Variants in RBFOX1 observed in about 807,000 individuals in gnomAD.
RBFOX1 encodes the protein RNA binding fox-1 homolog 1.
In RBFOX1, 8 loss-of-function variants were observed where a neutral mutation model predicts 57.7. The observed-to-expected ratio is 0.14, with a 90% confidence interval of 0.08 to 0.25. The LOEUF is 0.25. RBFOX1 is among the 10% of genes least tolerant of loss of function. RBFOX1 has a pLI of 1.00. For synonymous variants in RBFOX1, 326 were observed against 222.4 expected (o/e 1.47, Z -4.15); for missense variants, 611 against 548.5 (o/e 1.11, Z -1.14).
intron 2 of RBFOX1, among the ~76,000 whole-genome samples, chr16:6,355,901 A>G (rs1476446480): frequency 6.6e-6 from 1 of 152,224 alleles, no homozygotes; most frequent in East Asian, 1.9e-4. Flanking sequence ...CCAAAAACTA[A>G]TGGAGTTTTC....
At chr16:6,782,131 C>G (rs142800342) in intron 3 of RBFOX1, among the ~76,000 whole-genome samples, 1 of 152,082 alleles carries the variant, frequency 6.6e-6, no homozygotes, top group Non-Finnish European at 1.5e-5. Flanking sequence ...CTCAGCCTCC[C>G]GAGTAGCTGG....
chr16:7,352,673 G>A (rs2097149403), intron 4 of RBFOX1, among the ~76,000 whole-genome samples: 1 of 152,106 alleles, frequency 6.6e-6, no homozygotes, highest in African/African-American at 2.4e-5. Context: ...ATGCACTCTT[G>A]TCCTGGATCT....
intron 2 of RBFOX1, among the ~76,000 whole-genome samples, chr16:6,510,132 G>T (rs1352994891): frequency 6.6e-6 from 1 of 152,090 alleles, no homozygotes; most frequent in African/African-American, 2.4e-5. Flanking sequence ...CTCTTTGATG[G>T]GAGTCAGTAG....
In RBFOX1 at chr16:6,845,853, C is replaced by T. The variant is rs1050921848; in HGVS notation, c.-16+191203C>T. 2.0e-5 allele frequency among the ~76,000 whole-genome samples: 3 copies of T among 152,122 alleles called. 1 individual carries two copies. Among genetic ancestry groups the T allele is most frequent in the African/African-American group, 4.8e-5 (2 of 41,426 alleles). On this transcript the variant is annotated intron_variant, in intron 3 of 15. Coordinates refer to ENST00000550418, the MANE Select transcript of RBFOX1 (RefSeq NM_018723.4). ...TACCCCTCTTGGGATAATCTCAGTC[C>T]CACTTGTGTATGGCTATTCCTTCTG...
rs559657636 is a variant in RBFOX1, at chr16:5,831,336, T to C, written c.319-35967T>C. Among the ~76,000 whole-genome samples, 7 of 152,236 alleles carry C rather than the reference T, an allele frequency of 4.6e-5. No individual in the cohort carries two copies. In the South Asian group the frequency reaches 1.2e-3, roughly 27 times the overall value. Reference sequence around the variant, plus strand: ...TTCCCTGCCATTCTCTCTATCTTGCTCCTGCTCTGGCCATGGGACCTGCCT... The same window carrying C: ...TTCCCTGCCATTCTCTCTATCTTGCCCCTGCTCTGGCCATGGGACCTGCCT... On this transcript the variant is annotated intron_variant, in intron 3 of 19. Transcript: ENST00000641259.
At chr16:5,992,820 G>A (rs1567230737) in intron 4 of RBFOX1, among the ~76,000 whole-genome samples, 2 of 152,176 alleles carry the variant, frequency 1.3e-5, no homozygotes, top group East Asian at 3.9e-4. Flanking sequence ...TGTAATCCCA[G>A]CTATTCGGGA....
chr16:6,485,828 T>G (rs1208728837), intron 2 of RBFOX1, among the ~76,000 whole-genome samples: 1 of 152,172 alleles, frequency 6.6e-6, no homozygotes, highest in African/African-American at 2.4e-5. Flanking sequence ...CAAACTTCTG[T>G]TTTTCCTATC....
chr16:6,446,227 C>T (rs917098666), intron 2 of RBFOX1, among the ~76,000 whole-genome samples: 1 of 152,076 alleles, frequency 6.6e-6, no homozygotes, highest in Admixed American at 6.5e-5. Context: ...TGGTCTAGAA[C>T]TTCTGGGCCC....
In RBFOX1 at chr16:7,400,460, C is replaced by CT. The variant is rs961294861; in HGVS notation, c.28-117679dup. Among the ~76,000 whole-genome samples, 7 of 152,038 alleles carry CT rather than the reference C, an allele frequency of 4.6e-5. No individual in the cohort carries two copies. The East Asian group carries it at 5.8e-4, about 13-fold the overall frequency. On this transcript the variant is annotated intron_variant, in intron 4 of 15. Transcript: ENST00000550418. ...AAAAAACACAAGAAAGTCCAGGTTG[C>CT]TTTTTTTTAATTTAAATTTATAGTG...
intron 3 of RBFOX1, among the ~76,000 whole-genome samples, chr16:6,906,629 G>A (rs2070035762): frequency 6.6e-6 from 1 of 152,098 alleles, no homozygotes; most frequent in African/African-American, 2.4e-5. Context: ...TTTCCTTGAG[G>A]ACAGGAACAG....
At chr16:5,464,749 G>A (rs1169029569) in intron 1 of RBFOX1, among the ~76,000 whole-genome samples, 5 of 152,210 alleles carry the variant, frequency 3.3e-5, no homozygotes, top group Admixed American at 3.3e-4. Context: ...ATAATGTGGT[G>A]AGCTTTGGGT....
intron 13 of RBFOX1, chr16:7,671,476 C>G (rs2071412878): frequency 4.5e-6 from 6 of 1,329,586 alleles, no homozygotes; most frequent in South Asian, 3.7e-5. Context: ...ATGAATTGCT[C>G]TGGAATTTGT....
At chr16:6,284,134 A>G in intron 1 of RBFOX1, among the ~76,000 whole-genome samples, 2 of 152,202 alleles carry the variant, frequency 1.3e-5, no homozygotes, top group East Asian at 3.9e-4. Flanking sequence ...GAAGTGGTAG[A>G]TGGTAATCAC....
chr16:7,408,654 C>G (rs763552866), intron 4 of RBFOX1, among the ~76,000 whole-genome samples: 1 of 152,228 alleles, frequency 6.6e-6, no homozygotes, highest in Non-Finnish European at 1.5e-5. Flanking sequence ...TCCTACAGCA[C>G]GTTTCTCCAC....
intron 2 of RBFOX1, among the ~76,000 whole-genome samples, chr16:6,601,348 C>A (rs944273732): frequency 6.6e-6 from 1 of 152,072 alleles, no homozygotes; most frequent in Admixed American, 6.6e-5. Flanking sequence ...AGTTTCTTGT[C>A]TACTTGGTTA....
At chr16:5,922,565 C>G (rs2058848052) in intron 4 of RBFOX1, among the ~76,000 whole-genome samples, 1 of 152,152 alleles carries the variant, frequency 6.6e-6, no homozygotes, top group Admixed American at 6.5e-5. Flanking sequence ...GACCCAGAAC[C>G]CAGGTGAAGT....
chr16:5,794,159 G>A (rs968262620), intron 3 of RBFOX1, among the ~76,000 whole-genome samples: 1 of 152,140 alleles, frequency 6.6e-6, no homozygotes, highest in Non-Finnish European at 1.5e-5. Context: ...TCCGTAAAGT[G>A]AGCACAGTAA....
At chr16:6,441,215 C>G (rs1309170919) in intron 2 of RBFOX1, among the ~76,000 whole-genome samples, 1 of 151,996 alleles carries the variant, frequency 6.6e-6, no homozygotes, top group African/African-American at 2.4e-5. Flanking sequence ...TGCCGCTGAT[C>G]TCAAGTGAGC....
intron 4 of RBFOX1, among the ~76,000 whole-genome samples, chr16:5,968,309 A>T (rs2059891723): frequency 6.6e-6 from 1 of 152,076 alleles, no homozygotes; most frequent in South Asian, 2.1e-4. Context: ...TCCTGACATC[A>T]CATGATCCCC....
Sources: allele counts gnomAD v4.1 joint callset (sites outside exome capture counted in the v4.1 genomes callset), GRCh38; gene constraint gnomAD v4.1.1; transcripts MANE v1.5; gene names NCBI Gene and HGNC (gene_info 2026-07-23, HGNC 2026-07-21).